Variants in ONECUT3 observed in about 807,000 individuals in gnomAD.
The protein encoded by ONECUT3 is one cut homeobox 3.
ONECUT3 carries 11 observed loss-of-function variants against 16.8 expected under a neutral mutation model. The observed-to-expected ratio is 0.66, with a 90% CI of 0.41 to 1.09. The LOEUF (loss-of-function observed/expected upper bound fraction) is 1.09. Ranked by LOEUF, ONECUT3 falls within the 50% of genes least tolerant of loss-of-function variation. The pLI, the probability that ONECUT3 is intolerant of heterozygous loss-of-function variation, is 0.00. For synonymous variants in ONECUT3, 344 were observed against 310.7 expected, an observed-to-expected ratio of 1.11 and a Z score of -1.13; for missense variants, 637 against 629.9, an observed-to-expected ratio of 1.01 and a Z score of -0.12.
chr19:1,753,609 T>C lies in ONECUT3; in HGVS notation c.-54T>C. 1.5e-6 allele frequency: 1 copy of C among 683,048 alleles called. No individual in the cohort carries two copies. The highest frequency in any genetic ancestry group is 1.8e-6 in the Non-Finnish European group (1 of 542,834). The allele number at this position is 683,048 out of a possible 1,614,324, so 42.3% of individuals were successfully genotyped here. On this transcript the variant is annotated 5_prime_UTR_variant, in exon 1 of 2. Transcript: ENST00000382349. ...AGCGGGCGGGAGTCATGCAGCGGCC[T>C]TGAGCACTAGGGGCCGGCGCTGAGG...
At chr19:1,773,813 A>AGG (rs141777761) in intron 1 of ONECUT3, among the ~76,000 whole-genome samples, 2 of 151,892 alleles carry the variant, frequency 1.3e-5, no homozygotes, top group African/African-American at 4.8e-5. Flanking sequence ...CCCAGCTCCT[A>AGG]GTGGGGGAAG....
Position 1,754,256 on chromosome 19 carries a change from G to A in ONECUT3, c.594G>A (p.Pro198=). The change falls in exon 1 of 2, where the codon CCG becomes CCA. Residue 198 remains proline (P), a synonymous_variant. Coordinates refer to ENST00000382349, the MANE Select transcript of ONECUT3 (RefSeq NM_001080488.2). The surrounding 1 kb of genome is among the most constrained non-coding windows in gnomAD (Gnocchi z 7.4). ...YGKELPAMGS[P]LSPLPNALPP... Reference sequence around the variant, plus strand: ...AGGAGCTGCCCGCCATGGGGTCGCCGCTGTCGCCGCTGCCCAACGCGCTGC... The same window carrying A: ...AGGAGCTGCCCGCCATGGGGTCGCCACTGTCGCCGCTGCCCAACGCGCTGC... The A allele has an allele frequency of 4.7e-6, 5 of 1,066,834 alleles. No individual in the cohort carries two copies. Among genetic ancestry groups the A allele is most frequent in the South Asian group, 7.4e-5 (2 of 27,086 alleles). The allele number at this position is 1,066,834 out of a possible 1,614,324, so 66.1% of individuals were successfully genotyped here.
Position 1,764,800 on chromosome 19 carries a change from G to A in ONECUT3, c.1192+9946G>A, listed in dbSNP as rs987098961. Among the ~76,000 whole-genome samples, 2 of 144,442 alleles carry A rather than the reference G, an allele frequency of 1.4e-5. No individual in the cohort carries two copies. The highest frequency in any genetic ancestry group is 2.0e-4 in the East Asian group (1 of 4,984). 94.8% of individuals were successfully genotyped at this position (144,442 alleles called of 152,430 possible). On this transcript the variant is annotated intron_variant, in intron 1 of 1. Coordinates refer to ENST00000382349, the MANE Select transcript of ONECUT3 (RefSeq NM_001080488.2). This position sits in a 1 kb window ranked among gnomAD's most constrained non-coding sequence, Gnocchi z 5.0. ...CTGACTCGAGTCTGGAGAGGCCACG[G>A]GGGGGGGATGCGCAGGGGGGACAAG...
chr19:1,779,414 C>A lies in ONECUT3; in HGVS notation c.*3969C>A, dbSNP rs10411664. On this transcript the variant is annotated 3_prime_UTR_variant, in exon 2 of 2. Coordinates refer to ENST00000382349, the MANE Select transcript of ONECUT3 (RefSeq NM_001080488.2). ...GAAAGGAAGAGAGAGAGAGAGCGAG[C>A]GCAAGAGAGAGAGAGAGGGAGAGAG... is the stretch of plus-strand genomic sequence containing the variant. The A allele has an allele frequency of 0.58, 88,414 of 151,522 alleles. 26,196 individuals are homozygous for A. The highest frequency in any genetic ancestry group is 0.64 in the African/African-American group (26,329 of 41,278). The allele number at this position is 151,522 out of a possible 1,614,324, so 9.4% of individuals were successfully genotyped here. A position where few individuals can be genotyped will look rare whatever the true frequency, so the allele number is the denominator to read the frequency against.
At chr19:1,763,739 T>TG (rs1555799418) in intron 1 of ONECUT3, among the ~76,000 whole-genome samples, 7 of 148,822 alleles carry the variant, frequency 4.7e-5, no homozygotes, top group Non-Finnish European at 7.4e-5. Flanking sequence ...TTTGTTTTTT[T>TG]TTTTTTTTTA....
chr19:1,762,161 C>G lies in ONECUT3; in HGVS notation c.1192+7307C>G, dbSNP rs2067949503. ...GGAAGACGCCCCATCTCCCCCTGGACGCAGTGGCTGCGCCATCTGGAGACC... is the reference window on the plus strand; with the variant it reads ...GGAAGACGCCCCATCTCCCCCTGGAGGCAGTGGCTGCGCCATCTGGAGACC... On this transcript the variant is annotated intron_variant, in intron 1 of 1. Coordinates refer to ENST00000382349, the MANE Select transcript of ONECUT3 (RefSeq NM_001080488.2). The surrounding 1 kb of genome is among the most constrained non-coding windows in gnomAD (Gnocchi z 4.4). Among the ~76,000 whole-genome samples, 1 of 152,244 alleles carries G rather than the reference C, an allele frequency of 6.6e-6. No individual in the cohort carries two copies. The highest frequency in any genetic ancestry group is 1.5e-5 in the Non-Finnish European group (1 of 68,034).
chr19:1,775,048 C>CCCT, intron 1 of ONECUT3, 105 bp from the exon 2 acceptor site: 5 of 687,676 alleles, frequency 7.3e-6, no homozygotes, highest in Non-Finnish European at 1.2e-5. Flanking sequence ...GTCCCTTCTC[C>CCCT]CCTCCTCCTC....
intron 1 of ONECUT3, among the ~76,000 whole-genome samples, chr19:1,769,040 G>GTAA: frequency 7.1e-6 from 1 of 141,252 alleles, no homozygotes; most frequent in Non-Finnish European, 1.6e-5. Flanking sequence ...GGAGGTGACG[G>GTAA]TGGAGGTGGT....
At chr19:1,761,542 C>A (rs1158646135) in intron 1 of ONECUT3, among the ~76,000 whole-genome samples, 2 of 152,322 alleles carry the variant, frequency 1.3e-5, no homozygotes, top group East Asian at 3.9e-4. Flanking sequence ...GGACTTCTGG[C>A]CGGTGGGACC....
rs1380334571 is a variant in ONECUT3 at position 1,776,776 on chromosome 19, T to A, written c.*1331T>A. On this transcript the variant is annotated 3_prime_UTR_variant, in exon 2 of 2. Transcript: ENST00000382349. This position sits in a 1 kb window ranked among gnomAD's most constrained non-coding sequence, Gnocchi z 4.9. ...CCCTGAAATCCCCCCACTCATCGGC[T>A]GCCTCCCAGGGAGGAGGCGGCCCCC... is the stretch of plus-strand genomic sequence containing the variant. The A allele has an allele frequency of 6.6e-6, 1 of 150,502 alleles. No individual in the cohort carries two copies. Among genetic ancestry groups the A allele is most frequent in the African/African-American group, 2.5e-5 (1 of 40,686 alleles). The allele number at this position is 150,502 out of a possible 1,614,324, so 9.3% of individuals were successfully genotyped here.
chr19:1,757,315 C>T (rs1038075844), intron 1 of ONECUT3, among the ~76,000 whole-genome samples: 3 of 152,260 alleles, frequency 2.0e-5, no homozygotes, highest in African/African-American at 7.2e-5. Context: ...GATGGGGAAA[C>T]AGGCTCCGTT....
In ONECUT3 at chr19:1,762,187, C is replaced by A. The variant is rs1193065123; in HGVS notation, c.1192+7333C>A. 1.3e-5 allele frequency among the ~76,000 whole-genome samples: 2 copies of A among 152,242 alleles called. No individual in the cohort carries two copies. Among genetic ancestry groups the A allele is most frequent in the African/African-American group, 4.8e-5 (2 of 41,478 alleles). ...GCAGTGGCTGCGCCATCTGGAGACC[C>A]TCGTGCTGGCTGCTGGGGGTCCTGC... On this transcript the variant is annotated intron_variant, in intron 1 of 1. Transcript: ENST00000382349. This position sits in a 1 kb window ranked among gnomAD's most constrained non-coding sequence, Gnocchi z 4.4.
In ONECUT3 at chr19:1,766,326, G is replaced by T. The variant is rs533463417; in HGVS notation, c.1193-8827G>T. ...CCCGCACGCGGCCAACGTCAGGCGC[G>T]CGCAGAGGCACCCACGGGCCCGCCT... is the stretch of plus-strand genomic sequence containing the variant. On this transcript the variant is annotated intron_variant, in intron 1 of 1. Coordinates refer to ENST00000382349, the MANE Select transcript of ONECUT3 (RefSeq NM_001080488.2). The surrounding 1 kb of genome is among the most constrained non-coding windows in gnomAD (Gnocchi z 4.0). 6.6e-6 allele frequency among the ~76,000 whole-genome samples: 1 copy of T among 152,176 alleles called. No homozygotes were observed. Among genetic ancestry groups the T allele is most frequent in the African/African-American group, 2.4e-5 (1 of 41,452 alleles).
At chr19:1,763,294 G>A (rs2067956345) in intron 1 of ONECUT3, among the ~76,000 whole-genome samples, 1 of 146,880 alleles carries the variant, frequency 6.8e-6, no homozygotes, top group Admixed American at 7.0e-5. Context: ...AACCCAGGAG[G>A]CAGAGGTTGC....
intron 1 of ONECUT3, among the ~76,000 whole-genome samples, chr19:1,770,415 C>T (rs183425390): frequency 8.1e-4 from 123 of 152,060 alleles, no homozygotes; most frequent in African/African-American, 2.6e-3. Context: ...CCAGCCTGGG[C>T]GACACAGCAA....
At chr19:1,767,011 A>G (rs1340236691) in intron 1 of ONECUT3, among the ~76,000 whole-genome samples, 1 of 151,308 alleles carries the variant, frequency 6.6e-6, no homozygotes, top group African/African-American at 2.4e-5. Flanking sequence ...GGAGGGAGGG[A>G]CTTCCTGGGG....
At chr19:1,773,454 G>A (rs555224577) in intron 1 of ONECUT3, among the ~76,000 whole-genome samples, 1 of 152,336 alleles carries the variant, frequency 6.6e-6, no homozygotes, top group Non-Finnish European at 1.5e-5. Context: ...TGTTGTCCCC[G>A]AGACATGAGT....
At chr19:1,772,789 A>G (rs1057485532) in intron 1 of ONECUT3, among the ~76,000 whole-genome samples, 1 of 139,792 alleles carries the variant, frequency 7.2e-6, no homozygotes. Flanking sequence ...TGCCTCCCAG[A>G]TTCAAGCAAT....
Position 1,766,769 on chromosome 19 carries a change from ACTGGTCTTCC to A in ONECUT3, c.1193-8383_1193-8374del. Among the ~76,000 whole-genome samples, 1 of 151,698 alleles carries A rather than the reference ACTGGTCTTCC, an allele frequency of 6.6e-6. No homozygotes were observed. The highest frequency in any genetic ancestry group is 1.5e-5 in the Non-Finnish European group (1 of 67,898). ...CACCCGGCGCTCCAGGGCAGTGGCT[ACTGGTCTTCC>A]GCAGCAGGGTCTTGCAGGCTGGGCT... On this transcript the variant is annotated intron_variant, in intron 1 of 1. Coordinates refer to ENST00000382349, the MANE Select transcript of ONECUT3 (RefSeq NM_001080488.2). The surrounding 1 kb of genome is among the most constrained non-coding windows in gnomAD (Gnocchi z 4.0).
Sources: allele counts gnomAD v4.1 joint callset (sites outside exome capture counted in the v4.1 genomes callset), GRCh38; gene constraint gnomAD v4.1.1; non-coding constraint Gnocchi (gnomAD v3.1); transcripts MANE v1.5; gene names NCBI Gene and HGNC (gene_info 2026-07-23, HGNC 2026-07-21).